Variants in PAPPA observed in about 807,000 individuals in gnomAD.
PAPPA encodes the protein pappalysin-1.
Under a neutral mutation model 164.0 loss-of-function variants are expected in PAPPA, and 60 were observed. That is an observed-to-expected ratio of 0.37 (90% confidence interval 0.30 to 0.45). The LOEUF (loss-of-function observed/expected upper bound fraction) is 0.45, where lower values mean the gene tolerates loss of function less well. PAPPA is among the 20% of genes least tolerant of loss of function. PAPPA has a pLI of 1.00. For missense variants in PAPPA, 1,782 were observed against 2,087.3 expected (o/e 0.85, Z 2.85); for synonymous variants, 875 against 814.1 (o/e 1.07, Z -1.27).
chr9:116,248,624 C>T (rs1324382045), intron 7 of PAPPA, among the ~76,000 whole-genome samples: 1 of 152,156 alleles, frequency 6.6e-6, no homozygotes, highest in Non-Finnish European at 1.5e-5. Context: ...TCCTTTGAGA[C>T]AATTTCAAAA....
chr9:116,265,817 T>G (rs1430198243), intron 7 of PAPPA, 40 bp from the exon 8 acceptor site: 1 of 1,542,328 alleles, frequency 6.5e-7, no homozygotes, highest in East Asian at 2.3e-5. Context: ...GTCTGCCCAG[T>G]ATTGTAATTG....
chr9:116,160,095 T>A (rs1395714910), intron 1 of PAPPA, among the ~76,000 whole-genome samples: 3 of 152,282 alleles, frequency 2.0e-5, no homozygotes, highest in East Asian at 3.9e-4. Context: ...TCTCAGGTAA[T>A]GTTGAAGGAC....
At chr9:116,281,084 A>G (rs118060946) in intron 9 of PAPPA, among the ~76,000 whole-genome samples, 3,039 of 152,354 alleles carry the variant, frequency 0.02, 49 homozygotes, top group South Asian at 0.038. Context: ...AAGTATTTCC[A>G]ATGTATTAAG....
intron 9 of PAPPA, among the ~76,000 whole-genome samples, chr9:116,302,165 G>A (rs144688740): frequency 2.2e-4 from 33 of 152,262 alleles, no homozygotes; most frequent in Middle Eastern, 3.4e-3. Context: ...TCTTCCACAT[G>A]AAGTTTTTAT....
At chr9:116,305,479 AC>A (rs1845635006) in intron 10 of PAPPA, among the ~76,000 whole-genome samples, 1 of 152,064 alleles carries the variant, frequency 6.6e-6, no homozygotes, top group Non-Finnish European at 1.5e-5. Flanking sequence ...TCTCACACAC[AC>A]ACACACACAC....
At chr9:116,170,188 G>A (rs111689123) in intron 1 of PAPPA, among the ~76,000 whole-genome samples, 2 of 152,114 alleles carry the variant, frequency 1.3e-5, no homozygotes, top group African/African-American at 4.8e-5. Flanking sequence ...GGGCATACCA[G>A]GTCATTTCCT....
intron 10 of PAPPA, among the ~76,000 whole-genome samples, chr9:116,323,177 G>A (rs1038724167): frequency 3.9e-5 from 6 of 152,162 alleles, no homozygotes; most frequent in Non-Finnish European, 7.3e-5. Context: ...GCAAGACATC[G>A]TTAACTCCTC....
At chr9:116,195,958 C>A (rs1844099132) in intron 2 of PAPPA, among the ~76,000 whole-genome samples, 1 of 152,092 alleles carries the variant, frequency 6.6e-6, no homozygotes, top group African/African-American at 2.4e-5. Context: ...AAGAGATAAG[C>A]AGCATGCCAC....
At chr9:116,227,262 AG>A (rs1231835406) in intron 5 of PAPPA, among the ~76,000 whole-genome samples, 168 bp from the exon 6 acceptor site, 7 of 152,142 alleles carry the variant, frequency 4.6e-5, no homozygotes, top group Admixed American at 4.6e-4. Context: ...GGCAATGGGG[AG>A]GCATTTCACT....
chr9:116,194,170 C>T lies in PAPPA; in HGVS notation c.1478+5954C>T, dbSNP rs370822666. The stretch of plus-strand genomic sequence containing the variant: ...TTAGAATGAAAGAATTCAGGTGAAA[C>T]AGATTCTAGCCTGGGCTGGGCAGTT... On this transcript the variant is annotated intron_variant, in intron 2 of 21. Transcript: ENST00000328252. 2.6e-5 allele frequency among the ~76,000 whole-genome samples: 4 copies of T among 152,166 alleles called. No homozygotes were observed. In the East Asian group the frequency reaches 5.8e-4, roughly 22 times the overall value.
chr9:116,206,392 C>T (rs888523812), intron 2 of PAPPA, among the ~76,000 whole-genome samples: 1 of 152,138 alleles, frequency 6.6e-6, no homozygotes, highest in Non-Finnish European at 1.5e-5. Context: ...GTAGGTTTTC[C>T]ACCCATAGAA....
In PAPPA at chr9:116,246,433, T is replaced by A. The variant is rs141804776; in HGVS notation, c.2732+10796T>A. The stretch of plus-strand genomic sequence containing the variant: ...GCTAAGTGCTTTAAAAAATTTTTCT[T>A]ATTTAATCCTTTTAAAAAATTCTTT... On this transcript the variant is annotated intron_variant, in intron 7 of 21. Transcript: ENST00000328252. 3.7e-3 allele frequency among the ~76,000 whole-genome samples: 559 copies of A among 152,338 alleles called. 1 individual carries two copies. The highest frequency in any genetic ancestry group is 0.013 in the African/African-American group (535 of 41,570).
At chr9:116,344,103 G>A (rs1846175463) in intron 13 of PAPPA, among the ~76,000 whole-genome samples, 1 of 152,142 alleles carries the variant, frequency 6.6e-6, no homozygotes, top group African/African-American at 2.4e-5. Context: ...TATGCCAGGA[G>A]TTCTGCTATG....
intron 10 of PAPPA, among the ~76,000 whole-genome samples, chr9:116,311,832 A>G (rs1845721717): frequency 1.3e-5 from 2 of 152,352 alleles, no homozygotes; most frequent in South Asian, 2.1e-4. Context: ...AATCTGGAGA[A>G]GGAACAAAAA....
intron 1 of PAPPA, among the ~76,000 whole-genome samples, chr9:116,169,500 A>G (rs553547559): frequency 6.6e-6 from 1 of 150,914 alleles, no homozygotes; most frequent in South Asian, 2.1e-4. Flanking sequence ...TTGTATTTTT[A>G]TTAGAGACAG....
intron 15 of PAPPA, among the ~76,000 whole-genome samples, chr9:116,348,946 T>C (rs772935982): frequency 2.6e-5 from 4 of 152,196 alleles, no homozygotes; most frequent in Non-Finnish European, 4.4e-5. Context: ...CTATTGGAAA[T>C]AGTAAAAGCA....
chr9:116,275,281 A>G (rs1055789026), intron 9 of PAPPA, among the ~76,000 whole-genome samples: 1 of 152,228 alleles, frequency 6.6e-6, no homozygotes, highest in African/African-American at 2.4e-5. Flanking sequence ...CTTGATGCAC[A>G]GATGCACATT....
At chr9:116,253,359 C>A (rs1369480637) in intron 7 of PAPPA, among the ~76,000 whole-genome samples, 1 of 152,132 alleles carries the variant, frequency 6.6e-6, no homozygotes, top group East Asian at 1.9e-4. Context: ...TTTGACTGAG[C>A]TTCATACATT....
intron 10 of PAPPA, chr9:116,318,805 C>T (rs1845818265): frequency 6.6e-6 from 1 of 152,192 alleles, no homozygotes; most frequent in Admixed American, 6.5e-5. Flanking sequence ...ACCCGCACCC[C>T]TGAAATTACA....
Sources: allele counts gnomAD v4.1 joint callset (sites outside exome capture counted in the v4.1 genomes callset), GRCh38; gene constraint gnomAD v4.1.1; transcripts MANE v1.5; gene names NCBI Gene and HGNC (gene_info 2026-07-23, HGNC 2026-07-21).